Variants in KMT5C observed in about 807,000 individuals in gnomAD.
The protein encoded by KMT5C is lysine methyltransferase 5C.
KMT5C carries 16 observed loss-of-function variants against 38.2 expected under a neutral mutation model. The ratio of observed to expected loss-of-function variants is 0.42; its 90% CI spans 0.28 to 0.64. The LOEUF (loss-of-function observed/expected upper bound fraction) is 0.64, where lower values mean the gene tolerates loss of function less well. Among genes scored for constraint, KMT5C ranks in the 30% least tolerant of loss-of-function variants. The pLI is 0.23. For synonymous variants in KMT5C, 291 were observed against 279.0 expected (o/e 1.04, Z -0.43); for missense variants, 598 against 665.1 (o/e 0.90, Z 1.11).
chr19:55,341,840 G>C lies in KMT5C; in HGVS notation c.-97G>C. On this transcript the variant is annotated 5_prime_UTR_variant, in exon 2 of 9. Coordinates refer to ENST00000255613, the MANE Select transcript of KMT5C (RefSeq NM_032701.4). ...GCGTCCCCCATGGCTTCTGAGTAGC[G>C]TGGGAGTGGAGTCAGCACCAAGCCA... 1.2e-6 allele frequency: 1 copy of C among 868,818 alleles called. No individual in the cohort carries two copies. Among genetic ancestry groups the C allele is most frequent in the Non-Finnish European group, 1.9e-6 (1 of 520,760 alleles). The allele number at this position is 868,818 out of a possible 1,614,324, so 53.8% of individuals were successfully genotyped here. A position where few individuals can be genotyped will look rare whatever the true frequency, so the allele number is the denominator to read the frequency against.
At chr19:55,344,083 G>A in intron 6 of KMT5C, 86 bp downstream of exon 6, 1 of 1,467,362 alleles carries the variant, frequency 6.8e-7, no homozygotes, top group Non-Finnish European at 9.4e-7. Flanking sequence ...TCAGTAAAGA[G>A]CCAAACACCG....
At chr19:55,345,162 G>A in intron 6 of KMT5C, 2 of 425,078 alleles carry the variant, frequency 4.7e-6, no homozygotes, top group South Asian at 1.6e-5. Context: ...GAACCATCTG[G>A]CTTCACAGAA....
chr19:55,343,549 T>C lies in KMT5C; in HGVS notation c.387-131T>C. 2.4e-6 allele frequency: 2 copies of C among 833,904 alleles called. No homozygotes were observed. Among genetic ancestry groups the C allele is most frequent in the Non-Finnish European group, 3.7e-6 (2 of 541,632 alleles). The allele number at this position is 833,904 out of a possible 1,614,324, so 51.7% of individuals were successfully genotyped here. ...GGAAGAGGGAGATCTGGAAGATGGA[T>C]CGCCAATAGCCAGCACCAGCGCCCA... is the stretch of plus-strand genomic sequence containing the variant. On this transcript the variant is annotated intron_variant, in intron 4 of 8. Coordinates refer to ENST00000255613, the MANE Select transcript of KMT5C (RefSeq NM_032701.4). This position sits in a 1 kb window ranked among gnomAD's most constrained non-coding sequence, Gnocchi z 5.5.
chr19:55,345,691 T>G (rs1263436885), intron 6 of KMT5C, among the ~76,000 whole-genome samples: 1 of 152,122 alleles, frequency 6.6e-6, no homozygotes, highest in East Asian at 1.9e-4. Context: ...TGTGTGGGGC[T>G]TAGGAGGAGC....
intron 1 of KMT5C, 97 bp from the exon 2 acceptor site, chr19:55,341,697 T>C (rs2089559058): frequency 1.8e-6 from 1 of 560,426 alleles, no homozygotes. Context: ...ATGGCTGACA[T>C]GGCTCTGGGC....
At chr19:55,345,443 C>T (rs2089606664) in intron 6 of KMT5C, among the ~76,000 whole-genome samples, 2 of 151,826 alleles carry the variant, frequency 1.3e-5, no homozygotes, top group African/African-American at 2.4e-5. Context: ...GCAGGGTGGC[C>T]ACAAAGAGGT....
At position 55,347,086 on chromosome 19, in the gene KMT5C, G is replaced by A. The variant is rs778246716; in HGVS notation, c.1026G>A (p.Arg342=). ...AGCGCCGACGCCCCCGGCCCCGGAG[G>A]GCCCCAGTGCTCTCCACCCACCACG... ...PRKRRRPRPR[R]APVLSTHHAA... The change falls in exon 9 of 9, where the codon AGG becomes AGA. Residue 342 remains arginine, a synonymous_variant. Coordinates refer to ENST00000255613, the MANE Select transcript of KMT5C (RefSeq NM_032701.4). This position sits in a 1 kb window ranked among gnomAD's most constrained non-coding sequence, Gnocchi z 4.6. 2 of 1,570,072 alleles carry A rather than the reference G, an allele frequency of 1.3e-6. No individual in the cohort carries two copies. The highest frequency in any genetic ancestry group is 1.7e-6 in the Non-Finnish European group (2 of 1,165,644).
chr19:55,341,293 C>T (rs1189115461), intron 1 of KMT5C, among the ~76,000 whole-genome samples: 1 of 152,198 alleles, frequency 6.6e-6, no homozygotes, highest in Non-Finnish European at 1.5e-5. Context: ...CCTGCCCTCC[C>T]TCCCGTCACC....
At position 55,343,880 on chromosome 19, in the gene KMT5C, G is replaced by C. The variant is rs964940309; in HGVS notation, c.550+37G>C. ...GCAGGTGGATGGGCAGGACGGGATA[G>C]AGCCAGGCAGGGCTGGAGGGGTGTA... is the stretch of plus-strand genomic sequence containing the variant. On this transcript the variant is annotated intron_variant, in intron 5 of 8. Transcript: ENST00000255613. The surrounding 1 kb of genome is among the most constrained non-coding windows in gnomAD (Gnocchi z 5.5). 3.1e-6 allele frequency: 5 copies of C among 1,610,104 alleles called. No individual in the cohort carries two copies. The highest frequency in any genetic ancestry group is 4.2e-6 in the Non-Finnish European group (5 of 1,176,874).
Position 55,347,070 on chromosome 19 carries a change from GC to G in KMT5C, c.1015del (p.Arg339GlyfsTer89). On this transcript the variant is annotated frameshift_variant, in exon 9 of 9. Coordinates refer to ENST00000255613, the MANE Select transcript of KMT5C (RefSeq NM_032701.4). LOFTEE classifies it low-confidence loss of function (END_TRUNC). This position sits in a 1 kb window ranked among gnomAD's most constrained non-coding sequence, Gnocchi z 4.6. Reference sequence around the variant, plus strand: ...CGAGTGCGGCCCCGGAAGCGCCGACGCCCCCGGCCCCGGAGGGCCCCAGTGC... The same window carrying G: ...CGAGTGCGGCCCCGGAAGCGCCGACGCCCCGGCCCCGGAGGGCCCCAGTGC... Reference protein sequence around the residue: ...QPRVRPRKRRRPRPRRAPVLS... With the variant: ...QPRVRPRKRRXPRPRRAPVLS... 6 of 1,576,930 alleles carry G rather than the reference GC, an allele frequency of 3.8e-6. No individual in the cohort carries two copies. Among genetic ancestry groups the G allele is most frequent in the African/African-American group, 1.3e-5 (1 of 74,256 alleles).
chr19:55,341,738 T>C, intron 1 of KMT5C, 56 bp from the exon 2 acceptor site: 1 of 591,802 alleles, frequency 1.7e-6, no homozygotes, highest in Non-Finnish European at 3.0e-6. Flanking sequence ...CTTGTTGCAT[T>C]CCATCTTCGC....
Position 55,342,268 on chromosome 19 carries a change from T to A in KMT5C, c.164T>A (p.Phe55Tyr). ...CACCTGCGCTCAGCGCTGGAAACTT[T>A]CCTGAGGCAGCGGGACCTGGAGGCT... is the stretch of plus-strand genomic sequence containing the variant. The part of the protein sequence containing the change: ...QQHLRSALET[F>Y]LRQRDLEAAY... The change falls in exon 3 of 9, where the codon TTC becomes TAC. Residue 55 changes from phenylalanine to tyrosine, a missense_variant. Phe to Tyr is a conservative substitution (Grantham distance 22, BLOSUM62 3). This residue lies in a region of KMT5C where 167 missense variants were observed against 187.8 expected (regional missense o/e 0.89). Coordinates refer to ENST00000255613, the MANE Select transcript of KMT5C (RefSeq NM_032701.4). 2 of 1,608,088 alleles carry A rather than the reference T, an allele frequency of 1.2e-6. No individual in the cohort carries two copies. Among genetic ancestry groups the A allele is most frequent in the Non-Finnish European group, 1.7e-6 (2 of 1,178,218 alleles).
At chr19:55,344,179 G>C in intron 6 of KMT5C, 182 bp downstream of exon 6, 1 of 578,642 alleles carries the variant, frequency 1.7e-6, no homozygotes, top group Non-Finnish European at 3.1e-6. Flanking sequence ...TGGAGACCAC[G>C]GTGAAACCCC....
Position 55,344,000 on chromosome 19 carries a change from A to G in KMT5C, c.570+3A>G. 4 of 1,612,000 alleles carry G rather than the reference A, an allele frequency of 2.5e-6. No homozygotes were observed. The highest frequency in any genetic ancestry group is 3.4e-6 in the Non-Finnish European group (4 of 1,178,382). On this transcript the variant is annotated splice_donor_region_variant and intron_variant, in intron 6 of 8. Coordinates refer to ENST00000255613, the MANE Select transcript of KMT5C (RefSeq NM_032701.4). The surrounding 1 kb of genome is among the most constrained non-coding windows in gnomAD (Gnocchi z 5.5). ...CAGACTGCAAACCCAACTGCAAGGT[A>G]AGGCCTTGGGACTCGGGAGGAGAGG...
intron 6 of KMT5C, 59 bp from the exon 7 acceptor site, chr19:55,346,154 G>A: frequency 6.2e-7 from 1 of 1,605,102 alleles, no homozygotes; most frequent in Non-Finnish European, 8.5e-7. Context: ...CAGGTGTGGG[G>A]AGTGGGTGAG....
intron 6 of KMT5C, chr19:55,345,236 G>C (rs983337517): frequency 2.7e-6 from 1 of 367,006 alleles, no homozygotes; most frequent in African/African-American, 2.1e-5. Context: ...CAGGGGCAAA[G>C]GGGGGCGTCT....
intron 6 of KMT5C, among the ~76,000 whole-genome samples, chr19:55,345,482 C>T (rs932681076): frequency 1.6e-4 from 25 of 151,922 alleles, no homozygotes; most frequent in Non-Finnish European, 3.2e-4. Context: ...GTAGGGGTCT[C>T]GGGGAGGCGA....
intron 2 of KMT5C, 70 bp downstream of exon 2, chr19:55,342,116 T>A (rs2089564370): frequency 6.3e-7 from 1 of 1,579,688 alleles, no homozygotes; most frequent in Non-Finnish European, 8.7e-7. Context: ...CTGCCGCCCC[T>A]CGGCCCTCTC....
At chr19:55,344,577 C>T in intron 6 of KMT5C, 1 of 403,902 alleles carries the variant, frequency 2.5e-6, no homozygotes, top group South Asian at 1.9e-5. Context: ...GAGCTGGGAG[C>T]TGTGCCAATT....
Sources: gnomAD v4.1 joint callset for allele counts (sites outside exome capture counted in the v4.1 genomes callset) on GRCh38, gnomAD v4.1.1 for gene constraint, gnomAD v4.1.1 regional missense constraint, Gnocchi (gnomAD v3.1) non-coding constraint, MANE v1.5 for transcripts, NCBI Gene and HGNC (gene_info 2026-07-23, HGNC 2026-07-21) for gene names.